FRMPD3: variants seen among roughly 807,000 people sequenced by gnomAD.
The protein encoded by FRMPD3 is FERM and PDZ domain-containing protein 3.
A neutral mutation model predicts 97.9 loss-of-function variants in FRMPD3; 42 were observed. The observed-to-expected ratio is 0.43, with a 90% CI of 0.34 to 0.55. FRMPD3 has a LOEUF of 0.55. Ranked by LOEUF, FRMPD3 falls within the 20% of genes least tolerant of loss-of-function variation. The pLI is 0.03. For missense variants in FRMPD3, 1,303 were observed against 1,457.7 expected, an observed-to-expected ratio of 0.89 and a Z score of 1.73; for synonymous variants, 577 against 581.1, an observed-to-expected ratio of 0.99 and a Z score of 0.10.
chrX:107,573,868 G>A (rs1404019287), intron 12 of FRMPD3, among the ~76,000 whole-genome samples: 1 of 112,271 alleles, frequency 8.9e-6, no homozygotes, highest in African/African-American at 3.2e-5. Flanking sequence ...GGAGTAGACT[G>A]GGCATGTTGA....
At chrX:107,515,471 T>C (rs890861511) in intron 1 of FRMPD3, among the ~76,000 whole-genome samples, 1 of 111,311 alleles carries the variant, frequency 9.0e-6, no homozygotes, top group Non-Finnish European at 1.9e-5. Context: ...AGAGCAACTC[T>C]GCAGAGTGAT....
chrX:107,554,345 C>T, intron 7 of FRMPD3, 40 bp from the exon 8 acceptor site: 2 of 1,187,829 alleles, frequency 1.7e-6, no homozygotes, highest in Non-Finnish European at 2.3e-6. Flanking sequence ...CCATTGATTC[C>T]AGATCTCTTT....
chrX:107,592,793 C>CTT (rs35096358), intron 13 of FRMPD3, among the ~76,000 whole-genome samples: 30 of 71,355 alleles, frequency 4.2e-4, no homozygotes, highest in East Asian at 7.9e-4. Flanking sequence ...TATGACCATT[C>CTT]TTTTTTTTTT....
rs1387940000 is a variant in FRMPD3, at chrX:107,530,357, A to G, written c.149-52A>G. 6 of 1,029,959 alleles carry G rather than the reference A, an allele frequency of 5.8e-6. No individual in the cohort carries two copies. In the African/African-American group the frequency reaches 1.1e-4, roughly 19 times the overall value. The allele number at this position is 1,029,959 out of a possible 1,213,427, so 84.9% of individuals were successfully genotyped here. ...GCACAGGGGACTTGCCCAGACCTGG[A>G]CTTTCCCAGCAGTAACCCTAAGCCC... On this transcript the variant is annotated intron_variant, in intron 2 of 14. Coordinates refer to ENST00000683843, the MANE Select transcript of FRMPD3 (RefSeq NM_001388459.1).
intron 8 of FRMPD3, among the ~76,000 whole-genome samples, chrX:107,557,835 A>ATATATATC (rs1922166957): frequency 1.3e-5 from 1 of 78,161 alleles, no homozygotes; most frequent in Non-Finnish European, 2.3e-5. Flanking sequence ...ATATATATAT[A>ATATATATC]TATATAGATC....
At chrX:107,526,490 G>T in intron 1 of FRMPD3, 92 bp from the exon 2 acceptor site, 1 of 859,715 alleles carries the variant, frequency 1.2e-6, no homozygotes, top group Non-Finnish European at 1.6e-6. Flanking sequence ...CTGGGTGCCA[G>T]GGCCAGAACC....
chrX:107,462,647 A>G (rs1461151088), intron 1 of FRMPD3, among the ~76,000 whole-genome samples: 3 of 111,879 alleles, frequency 2.7e-5, no homozygotes, highest in Non-Finnish European at 5.6e-5. Context: ...TCCCCTTGCC[A>G]TGCTAGATTT....
intron 12 of FRMPD3, among the ~76,000 whole-genome samples, chrX:107,570,100 AAGAG>A (rs1407754821): frequency 1.6e-4 from 16 of 99,814 alleles, no homozygotes; most frequent in Admixed American, 5.5e-4. Context: ...GAAAGAAAGA[AAGAG>A]AGAGAGAAAA....
intron 13 of FRMPD3, among the ~76,000 whole-genome samples, chrX:107,596,377 A>G (rs969411045): frequency 2.8e-4 from 31 of 112,300 alleles, no homozygotes; most frequent in African/African-American, 9.7e-4. Context: ...AAGTAGGATC[A>G]TGTATATTAG....
At chrX:107,520,527 G>A (rs1179522341) in intron 1 of FRMPD3, among the ~76,000 whole-genome samples, 1 of 110,649 alleles carries the variant, frequency 9.0e-6, no homozygotes, top group Admixed American at 9.6e-5. Flanking sequence ...AGGCATGGTG[G>A]CATGCACCCG....
chrX:107,463,470 C>T, intron 1 of FRMPD3, among the ~76,000 whole-genome samples: 1 of 112,379 alleles, frequency 8.9e-6, no homozygotes. Flanking sequence ...TTTCAGGAGG[C>T]TATTGTTGCG....
intron 12 of FRMPD3, 44 bp downstream of exon 12, chrX:107,565,110 T>C: frequency 9.4e-7 from 1 of 1,067,670 alleles, no homozygotes; most frequent in South Asian, 2.3e-5. Context: ...GGAACAGGCC[T>C]TGGGAATAGA....
In FRMPD3 at chrX:107,481,482, G is replaced by T. The variant is rs774403908; in HGVS notation, c.-8+31477G>T. ...TTTGACCCTCCTAGTGCACAAGGAA[G>T]AGGGACAGGGACTTAATTTACATTT... On this transcript the variant is annotated intron_variant, in intron 1 of 14. Coordinates refer to ENST00000683843, the MANE Select transcript of FRMPD3 (RefSeq NM_001388459.1). Among the ~76,000 whole-genome samples the T allele has an allele frequency of 3.6e-5, 4 of 112,359 alleles. No homozygotes were observed. In the Admixed American group the frequency reaches 3.8e-4, roughly 11 times the overall value.
rs113670695 is a variant in FRMPD3 at position 107,526,620 on chromosome X, G to A, written c.32G>A (p.Cys11Tyr). The A allele has an allele frequency of 3.2e-5, 39 of 1,203,866 alleles. No homozygotes were observed. The African/African-American group carries it at 3.5e-4, about 11-fold the overall frequency. MQEESANDME[C>Y]EQLPAEILRQ... ...GAAGAGAGCGCAAATGATATGGAAT[G>A]TGAGCAGCTGCCAGCAGAGATACTG... Residue 11 changes from cysteine to tyrosine, a missense_variant, in exon 2 of 15, where the codon TGT (cysteine) becomes TAT (tyrosine). Around this residue, in one of 3 missense-constraint regions of FRMPD3, gnomAD observed 535 missense variants for 618.6 expected, o/e 0.86. Coordinates refer to ENST00000683843, the MANE Select transcript of FRMPD3 (RefSeq NM_001388459.1).
chrX:107,599,639 G>A (rs950084806), intron 14 of FRMPD3, among the ~76,000 whole-genome samples: 5 of 112,471 alleles, frequency 4.4e-5, no homozygotes, highest in Admixed American at 9.4e-5. Flanking sequence ...AAATTTCCTA[G>A]CTGTTGAATC....
At chrX:107,464,726 C>CT (rs1280832371) in intron 1 of FRMPD3, among the ~76,000 whole-genome samples, 1 of 111,640 alleles carries the variant, frequency 9.0e-6, no homozygotes, top group East Asian at 2.8e-4. Flanking sequence ...ACTTCCTGTT[C>CT]TTAGGTAGCT....
intron 1 of FRMPD3, among the ~76,000 whole-genome samples, chrX:107,454,088 T>C (rs1200348734): frequency 8.9e-6 from 1 of 111,990 alleles, no homozygotes; most frequent in Non-Finnish European, 1.9e-5. Flanking sequence ...CAAATTCACT[T>C]TGCCATTAGC....
chrX:107,570,210 G>GGAAAGGAAA (rs1366576968), intron 12 of FRMPD3, among the ~76,000 whole-genome samples: 2 of 98,099 alleles, frequency 2.0e-5, no homozygotes, highest in Non-Finnish European at 3.8e-5. Context: ...GAGGCAGGAA[G>GGAAAGGAAA]GAAAGGAAAG....
At chrX:107,503,576 G>C (rs1338800970) in intron 1 of FRMPD3, among the ~76,000 whole-genome samples, 2 of 112,258 alleles carry the variant, frequency 1.8e-5, no homozygotes, top group Non-Finnish European at 3.8e-5. Flanking sequence ...TATCCTCAGG[G>C]CCAGCCTTAC....
Sources: gnomAD v4.1 joint callset for allele counts (sites outside exome capture counted in the v4.1 genomes callset) on GRCh38, gnomAD v4.1.1 for gene constraint, gnomAD v4.1.1 regional missense constraint, MANE v1.5 for transcripts, NCBI Gene and HGNC (gene_info 2026-07-23, HGNC 2026-07-21) for gene names.